Variants in PVT1 observed in about 807,000 individuals in gnomAD.
PVT1 encodes Pvt1 oncogene, also known as CXCR4/PVT1 fusion.
intron 2 of PVT1, among the ~76,000 whole-genome samples, chr8:127,811,448 C>T (rs1230406371): frequency 6.6e-6 from 1 of 152,144 alleles, no homozygotes; most frequent in Non-Finnish European, 1.5e-5. Flanking sequence ...CTTTCCATTC[C>T]CCCTGGGCCT....
At chr8:127,881,711 C>T (rs539086541) in intron 2 of PVT1, among the ~76,000 whole-genome samples, 1 of 152,096 alleles carries the variant, frequency 6.6e-6, no homozygotes, top group Non-Finnish European at 1.5e-5. Flanking sequence ...CTTGCCTTGG[C>T]CTCCCAAAGT....
intron 2 of PVT1, among the ~76,000 whole-genome samples, chr8:127,822,438 G>A (rs530866543): frequency 6.6e-6 from 1 of 152,134 alleles, no homozygotes; most frequent in Non-Finnish European, 1.5e-5. Flanking sequence ...TTAGCCAGAC[G>A]TAGTGGCGAG....
chr8:128,019,585 T>C (rs1453843327), intron 4 of PVT1, among the ~76,000 whole-genome samples: 1 of 152,226 alleles, frequency 6.6e-6, no homozygotes, highest in African/African-American at 2.4e-5. Flanking sequence ...AACGTTTGCT[T>C]TTTTGTACTT....
At chr8:128,044,605 G>A (rs1813589357) in intron 4 of PVT1, among the ~76,000 whole-genome samples, 1 of 152,160 alleles carries the variant, frequency 6.6e-6, no homozygotes, top group African/African-American at 2.4e-5. Flanking sequence ...CTGCAACACA[G>A]TAAGGACTCA....
intron 4 of PVT1, among the ~76,000 whole-genome samples, chr8:128,046,361 G>C (rs562657359): frequency 1.9e-4 from 29 of 152,340 alleles, no homozygotes; most frequent in African/African-American, 7.0e-4. Context: ...AACTGTCCAC[G>C]GGGTCGGTCA....
At chr8:127,908,572 C>G (rs1227779490) in intron 3 of PVT1, among the ~76,000 whole-genome samples, 1 of 152,088 alleles carries the variant, frequency 6.6e-6, no homozygotes, top group African/African-American at 2.4e-5. Flanking sequence ...AAACTCCTGA[C>G]CTTGTGATCC....
At chr8:127,897,895 GA>G (rs1815705354) in intron 3 of PVT1, among the ~76,000 whole-genome samples, 3 of 115,888 alleles carry the variant, frequency 2.6e-5, no homozygotes, top group Non-Finnish European at 5.5e-5. Flanking sequence ...AAGAAAGAAA[GA>G]AAGAAAAAAA....
intron 3 of PVT1, among the ~76,000 whole-genome samples, chr8:127,895,598 A>G (rs981893108): frequency 6.6e-6 from 1 of 152,244 alleles, no homozygotes; most frequent in African/African-American, 2.4e-5. Flanking sequence ...CTCAGGGAAT[A>G]CTAGTTTTTT....
chr8:127,888,324 G>T (rs1815552433), intron 2 of PVT1, among the ~76,000 whole-genome samples: 2 of 152,174 alleles, frequency 1.3e-5, no homozygotes, highest in South Asian at 4.1e-4. Flanking sequence ...GTGGCTCTGT[G>T]CATTGTGGGC....
intron 4 of PVT1, among the ~76,000 whole-genome samples, chr8:128,067,442 C>T (rs1016609951): frequency 1.3e-5 from 2 of 152,194 alleles, no homozygotes; most frequent in African/African-American, 2.4e-5. Flanking sequence ...TGTGATGTCC[C>T]CTTCCTGAAA....
At chr8:127,932,287 A>G (rs1245282749) in intron 3 of PVT1, among the ~76,000 whole-genome samples, 1 of 152,096 alleles carries the variant, frequency 6.6e-6, no homozygotes, top group Non-Finnish European at 1.5e-5. Context: ...CTCTCCCATT[A>G]CTAACGGGTG....
At chr8:127,912,642 G>A (rs145780701) in intron 3 of PVT1, among the ~76,000 whole-genome samples, 65 of 152,128 alleles carry the variant, frequency 4.3e-4, no homozygotes, top group African/African-American at 1.5e-3. Context: ...GGTGACATTC[G>A]CATTGAACAC....
At chr8:127,801,111 T>A (rs755955477) in intron 2 of PVT1, among the ~76,000 whole-genome samples, 1 of 152,124 alleles carries the variant, frequency 6.6e-6, no homozygotes, top group African/African-American at 2.4e-5. Context: ...GAGATGAGAA[T>A]GGCGTGAGCA....
At chr8:127,991,914 C>A (rs1817046497) in intron 4 of PVT1, among the ~76,000 whole-genome samples, 1 of 152,170 alleles carries the variant, frequency 6.6e-6, no homozygotes. Context: ...GGCATCCTCA[C>A]CTTTCCCACC....
chr8:127,868,784 T>TATAAGTATATATATATGTATATAC, intron 2 of PVT1, among the ~76,000 whole-genome samples: 1 of 84,182 alleles, frequency 1.2e-5, no homozygotes. Context: ...TATATATATA[T>TATAAGTATATATATATGTATATAC]ATATATATAC....
chr8:128,098,501 G>A (rs1002270790), intron 6 of PVT1, among the ~76,000 whole-genome samples: 5 of 152,182 alleles, frequency 3.3e-5, no homozygotes, highest in African/African-American at 9.7e-5. Flanking sequence ...GCGGCCTCTC[G>A]GCCCTGGGGA....
At chr8:128,033,345 G>T (rs1813421464) in intron 4 of PVT1, among the ~76,000 whole-genome samples, 1 of 152,166 alleles carries the variant, frequency 6.6e-6, no homozygotes, top group African/African-American at 2.4e-5. Flanking sequence ...ATGTATGTGT[G>T]TGTGTGAACC....
At chr8:128,081,451 A>G (rs1422728712) in intron 5 of PVT1, among the ~76,000 whole-genome samples, 5 of 152,248 alleles carry the variant, frequency 3.3e-5, no homozygotes, top group Admixed American at 2.0e-4. Context: ...TGTTTAGCTC[A>G]TTAGGAAACT....
At chr8:127,862,407 C>CA (rs1015863557) in intron 2 of PVT1, among the ~76,000 whole-genome samples, 77 of 142,720 alleles carry the variant, frequency 5.4e-4, no homozygotes, top group Middle Eastern at 3.6e-3. Flanking sequence ...GACTCCATCT[C>CA]AAAAAAAAAA....
Sources: gnomAD v4.1 joint callset for allele counts (sites outside exome capture counted in the v4.1 genomes callset) on GRCh38, gnomAD v4.1.1 for gene constraint, MANE v1.5 for transcripts, NCBI Gene and HGNC (gene_info 2026-07-23, HGNC 2026-07-21) for gene names.